Variants in PARP6 observed in about 807,000 individuals in gnomAD.
The protein encoded by PARP6 is protein mono-ADP-ribosyltransferase PARP6.
PARP6 carries 27 observed loss-of-function variants against 92.0 expected under a neutral mutation model. The ratio of observed to expected loss-of-function variants is 0.29; its 90% confidence interval spans 0.22 to 0.40. PARP6 has a LOEUF of 0.40. Among genes scored for constraint, PARP6 ranks in the 10% least tolerant of loss-of-function variants. The pLI is 1.00. For synonymous variants in PARP6, 272 were observed against 281.2 expected, an observed-to-expected ratio of 0.97 and a Z score of 0.33; for missense variants, 501 against 784.5, an observed-to-expected ratio of 0.64 and a Z score of 4.32.
intron 12 of PARP6, among the ~76,000 whole-genome samples, 176 bp downstream of exon 12, chr15:72,257,861 C>T (rs2085332278): frequency 6.6e-6 from 1 of 152,228 alleles, no homozygotes; most frequent in East Asian, 1.9e-4. Context: ...CTCATATCCT[C>T]ATCTCTCTAA....
chr15:72,241,382 G>A lies in PARP6; in HGVS notation c.*73C>T. On this transcript the variant is annotated 3_prime_UTR_variant, in exon 24 of 24. Coordinates refer to ENST00000569795, the MANE Select transcript of PARP6 (RefSeq NM_001323532.2). This position sits in a 1 kb window ranked among gnomAD's most constrained non-coding sequence, Gnocchi z 4.1. ...TTGATTCCTCAGGGCAGCCTCAGCT[G>A]CTGTACCTGAACACTTTTATGAGGG... 1 of 1,049,970 alleles carries A rather than the reference G, an allele frequency of 9.5e-7. No homozygotes were observed. Among genetic ancestry groups the A allele is most frequent in the Non-Finnish European group, 1.5e-6 (1 of 672,168 alleles). 65.0% of individuals were successfully genotyped at this position (1,049,970 alleles called of 1,614,324 possible).
At chr15:72,249,192 C>T (rs2084015457) in intron 20 of PARP6, 53 bp downstream of exon 20, 1 of 1,033,500 alleles carries the variant, frequency 9.7e-7, no homozygotes, top group East Asian at 2.4e-5. Flanking sequence ...ATCATGTATT[C>T]ACAAATGGAG....
In PARP6 at chr15:72,259,650, G is replaced by A; in HGVS notation, c.768C>T (p.His256=). ...ACTCCAGAGTGGGAATGTTCTTGCAGTGACCACTGACCTGGTGAGAGTAAA... is the reference window on the plus strand; with the variant it reads ...ACTCCAGAGTGGGAATGTTCTTGCAATGACCACTGACCTGGTGAGAGTAAA... ...PARTSPLVSG[H]CKNIPTLEYG... is the part of the protein sequence containing the mutation. The change falls in exon 11 of 24, where the codon CAC becomes CAT. Residue 256 remains histidine (H), a synonymous_variant. Transcript: ENST00000569795. The A allele has an allele frequency of 6.2e-7, 1 of 1,614,076 alleles. No homozygotes were observed.
intron 20 of PARP6, chr15:72,243,922 T>C (rs1489408317): frequency 1.3e-5 from 2 of 152,232 alleles, no homozygotes; most frequent in Non-Finnish European, 2.9e-5. Context: ...GGTGTAGAAA[T>C]AGACTGATAG....
Position 72,249,230 on chromosome 15 carries a change from C to T in PARP6, c.1561+15G>A. 1 of 1,532,426 alleles carries T rather than the reference C, an allele frequency of 6.5e-7. No homozygotes were observed. The allele number at this position is 1,532,426 out of a possible 1,614,324, so 94.9% of individuals were successfully genotyped here. A position where few individuals can be genotyped will look rare whatever the true frequency, so the allele number is the denominator to read the frequency against. On this transcript the variant is annotated intron_variant, in intron 20 of 23. Transcript: ENST00000569795. ...AATGTAAATAGAGTCAAGGTGGCCACAGAATATTTCTTACCTGAGTATCCA... is the reference window on the plus strand; with the variant it reads ...AATGTAAATAGAGTCAAGGTGGCCATAGAATATTTCTTACCTGAGTATCCA...
At chr15:72,246,847 C>T (rs2083674488) in intron 20 of PARP6, among the ~76,000 whole-genome samples, 1 of 151,988 alleles carries the variant, frequency 6.6e-6, no homozygotes, top group Non-Finnish European at 1.5e-5. Flanking sequence ...CTCCGCCTCC[C>T]AGATTCAAAC....
Position 72,242,078 on chromosome 15 carries a change from T to C in PARP6, c.1705+79A>G, listed in dbSNP as rs2083116956. 6 of 1,490,742 alleles carry C rather than the reference T, an allele frequency of 4.0e-6. No individual in the cohort carries two copies. In the Admixed American group the frequency reaches 1.0e-4, roughly 25 times the overall value. 92.3% of individuals were successfully genotyped at this position (1,490,742 alleles called of 1,614,324 possible). On this transcript the variant is annotated intron_variant, in intron 22 of 23. Transcript: ENST00000569795. The surrounding 1 kb of genome is among the most constrained non-coding windows in gnomAD (Gnocchi z 4.3). The stretch of plus-strand genomic sequence containing the variant: ...AGCCATGCCACTTCAACATCACTCT[T>C]GGCCAGATCATGTGCCAAAATTACA...
At chr15:72,259,207 C>T (rs2085523495) in intron 11 of PARP6, among the ~76,000 whole-genome samples, 1 of 152,120 alleles carries the variant, frequency 6.6e-6, no homozygotes, top group African/African-American at 2.4e-5. Flanking sequence ...AAAGCATGCC[C>T]AGGGAATAAA....
chr15:72,272,163 G>T (rs934983183), intron 1 of PARP6: 1 of 152,280 alleles, frequency 6.6e-6, no homozygotes, highest in African/African-American at 2.4e-5. Flanking sequence ...CGGCTGCCCC[G>T]CGAAAACACT....
Position 72,256,473 on chromosome 15 carries a change from TA to T in PARP6, c.1116del (p.Phe372LeufsTer18). On this transcript the variant is annotated frameshift_variant, in exon 14 of 24. Coordinates refer to ENST00000569795, the MANE Select transcript of PARP6 (RefSeq NM_001323532.2). LOFTEE classifies it high-confidence loss of function. ...TTTCTCAAGTAACATACCTTAGGGTTAAAGGCCAGAGTCTTGGGATCAGTGG... is the reference window on the plus strand; with the variant it reads ...TTTCTCAAGTAACATACCTTAGGGTTAAGGCCAGAGTCTTGGGATCAGTGG... ...VDPTDPKTLA[F>X]NPKKKNYERL... 1.3e-6 allele frequency: 2 copies of T among 1,566,006 alleles called. No individual in the cohort carries two copies. The highest frequency in any genetic ancestry group is 2.4e-5 in the East Asian group (1 of 41,872).
At position 72,260,464 on chromosome 15, in the gene PARP6, C is replaced by T; in HGVS notation, c.756+14G>A. On this transcript the variant is annotated intron_variant, in intron 10 of 23. Transcript: ENST00000569795. ...CTCCTGATAGCCAAGTCAAACCCTCCCCAGCCCATGTACCAAAGGAGAGGT... is the reference window on the plus strand; with the variant it reads ...CTCCTGATAGCCAAGTCAAACCCTCTCCAGCCCATGTACCAAAGGAGAGGT... The T allele has an allele frequency of 6.2e-7, 1 of 1,606,986 alleles. No homozygotes were observed. The highest frequency in any genetic ancestry group is 1.7e-5 in the Admixed American group (1 of 59,900).
chr15:72,252,144 G>C (rs1012981989), intron 16 of PARP6, among the ~76,000 whole-genome samples: 3 of 152,224 alleles, frequency 2.0e-5, no homozygotes, highest in African/African-American at 7.2e-5. Context: ...TTGGCTAGGA[G>C]AAGAGCACAG....
chr15:72,269,915 AAAAG>A (rs1174231212), intron 2 of PARP6, among the ~76,000 whole-genome samples: 35 of 151,038 alleles, frequency 2.3e-4, no homozygotes, highest in Middle Eastern at 3.4e-3. Flanking sequence ...AAAAAAAAAA[AAAAG>A]AAAAAGAAAA....
intron 20 of PARP6, among the ~76,000 whole-genome samples, chr15:72,247,850 T>G (rs139829941): frequency 0.014 from 2,081 of 152,222 alleles, 30 homozygotes; most frequent in African/African-American, 0.024. Context: ...TGGTTTGATC[T>G]TGGCTGACTG....
In PARP6 at chr15:72,272,538, G is replaced by A. The variant is rs1047599617; in HGVS notation, c.-605C>T. 1.3e-5 allele frequency: 2 copies of A among 150,898 alleles called. No individual in the cohort carries two copies. The highest frequency in any genetic ancestry group is 3.0e-5 in the Non-Finnish European group (2 of 67,678). 9.3% of individuals were successfully genotyped at this position (150,898 alleles called of 1,614,324 possible). ...GGCCGCGCGCGGCCGCAGCCGACGG[G>A]ACGAGCGGCCCGGGACGCCCCGCGG... On this transcript the variant is annotated 5_prime_UTR_variant, in exon 1 of 24. Transcript: ENST00000569795.
rs1291300862 is a variant in PARP6 at position 72,250,974 on chromosome 15, T to G, written c.1309-20A>C. 9.6e-6 allele frequency: 15 copies of G among 1,562,396 alleles called. No individual in the cohort carries two copies. The highest frequency in any genetic ancestry group is 1.4e-5 in the African/African-American group (1 of 73,392). On this transcript the variant is annotated intron_variant, in intron 17 of 23. Transcript: ENST00000569795. ...CTTCAGCTGCTGCCCAGGGTGGGGG[T>G]GGAATCAGGAAAACAGAGCAGAAAT...
At chr15:72,266,665 C>G in intron 4 of PARP6, 80 bp downstream of exon 4, 1 of 1,009,276 alleles carries the variant, frequency 9.9e-7, no homozygotes, top group South Asian at 1.3e-5. Context: ...GCTCCAGAAC[C>G]TCTTTCACTC....
chr15:72,250,170 C>T, intron 18 of PARP6, 78 bp from the exon 19 acceptor site: 4 of 856,164 alleles, frequency 4.7e-6, no homozygotes, highest in Non-Finnish European at 8.1e-6. Flanking sequence ...CATTCCCACC[C>T]ATTCTCACCC....
rs1195160223 is a variant in PARP6 at position 72,241,794 on chromosome 15, C to T, written c.1790+107G>A. 2.2e-6 allele frequency: 2 copies of T among 890,626 alleles called. No homozygotes were observed. Among genetic ancestry groups the T allele is most frequent in the African/African-American group, 1.6e-5 (1 of 61,142 alleles). The allele number at this position is 890,626 out of a possible 1,614,324, so 55.2% of individuals were successfully genotyped here. ...CCAGTGACAGCTCCACTCAGGTAGC[C>T]AAGGACATGTCTCAGATAACAGAAA... On this transcript the variant is annotated intron_variant, in intron 23 of 23. Transcript: ENST00000569795. The surrounding 1 kb of genome is among the most constrained non-coding windows in gnomAD (Gnocchi z 4.1).
Sources: gnomAD v4.1 joint callset for allele counts (sites outside exome capture counted in the v4.1 genomes callset) on GRCh38, gnomAD v4.1.1 for gene constraint, Gnocchi (gnomAD v3.1) non-coding constraint, MANE v1.5 for transcripts, NCBI Gene and HGNC (gene_info 2026-07-23, HGNC 2026-07-21) for gene names.